Variants in NPFFR2 observed in about 807,000 individuals in gnomAD.
NPFFR2 encodes G-protein coupled receptor 74.
NPFFR2 carries 15 observed loss-of-function variants against 13.1 expected under a neutral mutation model. The observed-to-expected ratio is 1.15, with a 90% CI of 0.77 to 1.76. The LOEUF is 1.76. NPFFR2 is among the 40% of genes most tolerant of loss of function. The pLI is 0.00. For missense variants in NPFFR2, 572 were observed against 503.5 expected, an observed-to-expected ratio of 1.14 and a Z score of -1.30; for synonymous variants, 190 against 175.7, an observed-to-expected ratio of 1.08 and a Z score of -0.65.
chr4:72,091,115 C>T (rs894754277), intron 1 of NPFFR2, among the ~76,000 whole-genome samples: 4 of 151,968 alleles, frequency 2.6e-5, no homozygotes, highest in Non-Finnish European at 5.9e-5. Flanking sequence ...TTTTACTTCT[C>T]TTGATGTGGT....
At chr4:72,079,146 G>A (rs1720528673) in intron 1 of NPFFR2, among the ~76,000 whole-genome samples, 1 of 151,150 alleles carries the variant, frequency 6.6e-6, no homozygotes, top group African/African-American at 2.4e-5. Context: ...CCTGCTTGTG[G>A]TATTGTACTG....
intron 1 of NPFFR2, among the ~76,000 whole-genome samples, chr4:72,038,193 A>T (rs2109752525): frequency 6.6e-6 from 1 of 152,160 alleles, no homozygotes; most frequent in South Asian, 2.1e-4. Flanking sequence ...AAGTCATTTC[A>T]TCTCGGGTCT....
chr4:72,126,103 G>A (rs574420568), intron 1 of NPFFR2, among the ~76,000 whole-genome samples: 2 of 152,148 alleles, frequency 1.3e-5, no homozygotes, highest in African/African-American at 4.8e-5. Context: ...TTGCTAAACT[G>A]ATGTTGAATT....
intron 1 of NPFFR2, among the ~76,000 whole-genome samples, chr4:72,089,479 C>T (rs1392158992): frequency 6.6e-6 from 1 of 152,114 alleles, no homozygotes; most frequent in East Asian, 1.9e-4. Flanking sequence ...ACATTCTTGC[C>T]CACATCTATT....
chr4:72,088,136 T>TTTATTATATA (rs1227895907), intron 1 of NPFFR2, among the ~76,000 whole-genome samples: 3 of 152,028 alleles, frequency 2.0e-5, no homozygotes, highest in African/African-American at 7.2e-5. Context: ...TAATAGCGAC[T>TTTATTATATA]TAAAATAGAC....
At chr4:72,064,659 T>G (rs4571300) in intron 1 of NPFFR2, among the ~76,000 whole-genome samples, 41,120 of 151,894 alleles carry the variant, frequency 0.27, 5,867 homozygotes, top group Middle Eastern at 0.37. Flanking sequence ...CCCCAAAAGA[T>G]GGTAAAAGTA....
At chr4:72,063,383 A>G (rs1463264489) in intron 1 of NPFFR2, among the ~76,000 whole-genome samples, 1 of 152,208 alleles carries the variant, frequency 6.6e-6, no homozygotes, top group Non-Finnish European at 1.5e-5. Context: ...GTCGAAGCAA[A>G]CAAGGTAATT....
At chr4:72,116,401 A>ACTACTAGATGGGAACAATGGACG (rs1560415809) in intron 1 of NPFFR2, among the ~76,000 whole-genome samples, 1 of 151,038 alleles carries the variant, frequency 6.6e-6, no homozygotes, top group Non-Finnish European at 1.5e-5. Context: ...GACAATGGAC[A>ACTACTAGATGGGAACAATGGACG]CTGGGGACTA....
chr4:72,075,588 A>G (rs1415623010), intron 1 of NPFFR2, among the ~76,000 whole-genome samples: 2 of 152,144 alleles, frequency 1.3e-5, no homozygotes. Context: ...ACTATATCTA[A>G]CATACATATG....
intron 1 of NPFFR2, among the ~76,000 whole-genome samples, chr4:72,085,970 T>TCC (rs1261524469): frequency 6.6e-6 from 1 of 152,106 alleles, no homozygotes; most frequent in East Asian, 1.9e-4. Context: ...GAGCAGGTGC[T>TCC]TTGTCTGATT....
chr4:72,098,378 C>CTGTGGCCCATGGACTGCA (rs1721129440), intron 1 of NPFFR2, among the ~76,000 whole-genome samples: 2 of 152,184 alleles, frequency 1.3e-5, no homozygotes, highest in South Asian at 4.1e-4. Context: ...TTGGTCCAAC[C>CTGTGGCCCATGGACTGCA]TGTGGCCCAT....
chr4:72,121,407 A>G (rs1426331802), intron 1 of NPFFR2, among the ~76,000 whole-genome samples: 1 of 152,150 alleles, frequency 6.6e-6, no homozygotes, highest in Non-Finnish European at 1.5e-5. Flanking sequence ...AGAACACCAC[A>G]AAGATACTCC....
At chr4:72,080,423 A>C (rs2109792389) in intron 1 of NPFFR2, among the ~76,000 whole-genome samples, 1 of 152,228 alleles carries the variant, frequency 6.6e-6, no homozygotes, top group South Asian at 2.1e-4. Context: ...TCGGCCTCCC[A>C]AAGTGCTGGA....
chr4:72,036,001 A>C (rs963795350), intron 1 of NPFFR2, among the ~76,000 whole-genome samples: 1 of 152,194 alleles, frequency 6.6e-6, no homozygotes, highest in Non-Finnish European at 1.5e-5. Context: ...AGAATATTAC[A>C]GTTCTGGTTG....
intron 1 of NPFFR2, among the ~76,000 whole-genome samples, chr4:72,125,844 T>A (rs1024329600): frequency 4.6e-5 from 7 of 152,190 alleles, no homozygotes; most frequent in African/African-American, 1.7e-4. Flanking sequence ...ACTAGCAACC[T>A]TAATTCCCCT....
At chr4:72,128,262 A>AGAGGGAAGGAGAGTTTTGGAAGGC (rs1302410390) in intron 1 of NPFFR2, among the ~76,000 whole-genome samples, 1 of 152,046 alleles carries the variant, frequency 6.6e-6, no homozygotes, top group East Asian at 1.9e-4. Context: ...ACCTGGAGGT[A>AGAGGGAAGGAGAGTTTTGGAAGGC]GAGGGAAGGA....
At chr4:72,065,075 G>C (rs1720027624) in intron 1 of NPFFR2, among the ~76,000 whole-genome samples, 1 of 148,920 alleles carries the variant, frequency 6.7e-6, no homozygotes, top group African/African-American at 2.5e-5. Context: ...AAAACAACCA[G>C]CACTGGTTGC....
rs74515355 is a variant in NPFFR2 at position 72,114,358 on chromosome 4, T to C, written c.-7-14227T>C. Among the ~76,000 whole-genome samples, 992 of 152,230 alleles carry C rather than the reference T, an allele frequency of 6.5e-3. 8 individuals are homozygous for C. Among genetic ancestry groups the C allele is most frequent in the Admixed American group, 0.013 (194 of 15,278 alleles). ...TAATTTTATAATTAAAAATGTGTTATTTGAAATTGTTGATTGGTACCCCTA... is the reference window on the plus strand; with the variant it reads ...TAATTTTATAATTAAAAATGTGTTACTTGAAATTGTTGATTGGTACCCCTA... On this transcript the variant is annotated intron_variant, in intron 1 of 3. Coordinates refer to ENST00000308744, the MANE Select transcript of NPFFR2 (RefSeq NM_004885.3).
At chr4:72,081,502 T>TTG (rs1720619869) in intron 1 of NPFFR2, among the ~76,000 whole-genome samples, 1 of 151,856 alleles carries the variant, frequency 6.6e-6, no homozygotes, top group East Asian at 1.9e-4. Flanking sequence ...TTTTTTTTTT[T>TTG]TTTGAGACTG....
Sources: allele counts gnomAD v4.1 joint callset (sites outside exome capture counted in the v4.1 genomes callset), GRCh38; gene constraint gnomAD v4.1.1; transcripts MANE v1.5; gene names NCBI Gene and HGNC (gene_info 2026-07-23, HGNC 2026-07-21).